STARD9: variants seen among roughly 807,000 people sequenced by gnomAD.
STARD9 encodes the protein StAR related lipid transfer domain containing 9.
Under a neutral mutation model 399.8 loss-of-function variants are expected in STARD9, and 346 were observed. The observed-to-expected ratio is 0.87, with a 90% CI of 0.79 to 0.95. STARD9 has a LOEUF of 0.95. Among genes scored for constraint, STARD9 ranks in the 40% least tolerant of loss-of-function variants. STARD9 has a pLI of 0.00. For missense variants in STARD9, 5,832 were observed against 5,667.5 expected (o/e 1.03, Z -0.93); for synonymous variants, 2,203 against 2,143.5 (o/e 1.03, Z -0.77).
Position 42,690,694 on chromosome 15 carries a change from G to A in STARD9, c.9116G>A (p.Ser3039Asn), listed in dbSNP as rs1480500358. ...DVNREFRLTESSTCEPSTVAA... is the reference protein window; with the variant it reads ...DVNREFRLTENSTCEPSTVAA... Reference sequence around the variant, plus strand: ...AACAGGGAATTTAGGCTAACAGAGAGCAGCACTTGTGAGCCTTCTACTGTG... The same window carrying A: ...AACAGGGAATTTAGGCTAACAGAGAACAGCACTTGTGAGCCTTCTACTGTG... Residue 3039 changes from serine (S) to asparagine (N), a missense_variant, in exon 23 of 33, where the codon AGC becomes AAC. Coordinates refer to ENST00000290607, the MANE Select transcript of STARD9 (RefSeq NM_020759.3). The A allele has an allele frequency of 3.3e-6, 5 of 1,537,140 alleles. No homozygotes were observed. In the Admixed American group the frequency reaches 7.8e-5, roughly 24 times the overall value.
At chr15:42,664,789 A>AACACACACACACACACACACACAC (rs55773330) in intron 13 of STARD9, among the ~76,000 whole-genome samples, 59 of 144,724 alleles carry the variant, frequency 4.1e-4, no homozygotes, top group African/African-American at 1.1e-3. Flanking sequence ...TTTATCCTTT[A>AACACACACACACACACACACACAC]ACACACACAC....
intron 7 of STARD9, among the ~76,000 whole-genome samples, chr15:42,644,980 A>C (rs2059619557): frequency 1.3e-5 from 2 of 152,152 alleles, no homozygotes; most frequent in African/African-American, 4.8e-5. Flanking sequence ...GATTGTGGCA[A>C]TTCAGTCACA....
At chr15:42,586,415 A>G (rs2058278516) in intron 3 of STARD9, among the ~76,000 whole-genome samples, 1 of 152,278 alleles carries the variant, frequency 6.6e-6, no homozygotes, top group African/African-American at 2.4e-5. Flanking sequence ...GCTCTCGGTC[A>G]AGTTTCCAAG....
rs575773253 is a variant in STARD9 at position 42,687,436 on chromosome 15, A to G, written c.5858A>G (p.Asp1953Gly). Residue 1953 changes from aspartate (D) to glycine (G), a missense_variant, in exon 23 of 33, where the codon GAT (aspartate) becomes GGT (glycine). Transcript: ENST00000290607. ...SAVSLKSRSV[D>G]RRVSSPVMVA... Reference sequence around the variant, plus strand: ...GTTTCTTTGAAATCCAGATCAGTAGATCGTAGAGTAAGCAGCCCAGTGATG... The same window carrying G: ...GTTTCTTTGAAATCCAGATCAGTAGGTCGTAGAGTAAGCAGCCCAGTGATG... 1.3e-6 allele frequency: 2 copies of G among 1,537,156 alleles called. No individual in the cohort carries two copies. The highest frequency in any genetic ancestry group is 2.4e-5 in the East Asian group (1 of 40,916).
chr15:42,669,262 C>T lies in STARD9; in HGVS notation c.1422C>T (p.Ile474=), dbSNP rs759706411. The change falls in exon 16 of 33, where the codon ATC becomes ATT. Residue 474 remains isoleucine, a synonymous_variant. Coordinates refer to ENST00000290607, the MANE Select transcript of STARD9 (RefSeq NM_020759.3). ...ACAGGAGGAGGGCTGGGGTGGTCATCGACTCCAGCCTGCCACACTTGATGG... is the reference window on the plus strand; with the variant it reads ...ACAGGAGGAGGGCTGGGGTGGTCATTGACTCCAGCCTGCCACACTTGATGG... ...DINRRRAGVV[I]DSSLPHLMAL... is the part of the protein sequence containing the mutation. The T allele has an allele frequency of 7.4e-5, 114 of 1,537,028 alleles. 1 individual carries two copies. In the East Asian group the frequency reaches 8.8e-4, roughly 12 times the overall value.
chr15:42,667,944 T>G (rs1465757572), intron 15 of STARD9, among the ~76,000 whole-genome samples: 1 of 152,248 alleles, frequency 6.6e-6, no homozygotes, highest in East Asian at 1.9e-4. Flanking sequence ...AAATTCCTCC[T>G]TCAGTCATGT....
chr15:42,640,638 AG>A, intron 7 of STARD9, among the ~76,000 whole-genome samples: 1 of 152,086 alleles, frequency 6.6e-6, no homozygotes, highest in East Asian at 1.9e-4. Flanking sequence ...TGGCCAACAT[AG>A]TGAAACCCTG....
rs1444421288 is a variant in STARD9 at position 42,720,266 on chromosome 15, T to G, written c.*692T>G. The G allele has an allele frequency of 6.6e-6, 1 of 152,266 alleles. No homozygotes were observed. The highest frequency in any genetic ancestry group is 1.5e-5 in the Non-Finnish European group (1 of 68,060). 9.4% of individuals were successfully genotyped at this position (152,266 alleles called of 1,614,324 possible). A position where few individuals can be genotyped will look rare whatever the true frequency, so the allele number is the denominator to read the frequency against. On this transcript the variant is annotated 3_prime_UTR_variant, in exon 33 of 33. Coordinates refer to ENST00000290607, the MANE Select transcript of STARD9 (RefSeq NM_020759.3). ...ATGGAGCTGTCACTCTAGAGCTCGG[T>G]CAGATGGAAGACACTATAGAACCAG...
At position 42,718,163 on chromosome 15, in the gene STARD9, C is replaced by T. The variant is rs1303192342; in HGVS notation, c.13746C>T (p.Thr4582=). The T allele has an allele frequency of 6.5e-7, 1 of 1,536,742 alleles. No individual in the cohort carries two copies. Among genetic ancestry groups the T allele is most frequent in the Non-Finnish European group, 8.7e-7 (1 of 1,146,868 alleles). Reference sequence around the variant, plus strand: ...CAGCAAGGCTGCATCAGCGAGTGACCAACAGCATCAGCCTGGGTGAGCCCA... The same window carrying T: ...CAGCAAGGCTGCATCAGCGAGTGACTAACAGCATCAGCCTGGGTGAGCCCA... ...IQTARLHQRV[T]NSISLVYLVC... The change falls in exon 30 of 33, where the codon ACC becomes ACT. Residue 4582 remains threonine, a synonymous_variant. Transcript: ENST00000290607.
At chr15:42,623,343 T>C (rs2059129827) in intron 3 of STARD9, among the ~76,000 whole-genome samples, 1 of 152,194 alleles carries the variant, frequency 6.6e-6, no homozygotes, top group African/African-American at 2.4e-5. Context: ...TCTCCAAATA[T>C]AATATTTATG....
chr15:42,716,462 C>G (rs925118497), intron 26 of STARD9, among the ~76,000 whole-genome samples: 3 of 152,178 alleles, frequency 2.0e-5, no homozygotes, highest in Admixed American at 2.0e-4. Context: ...TAAGCAGCCT[C>G]TGCCTGTGGC....
intron 1 of STARD9, among the ~76,000 whole-genome samples, chr15:42,577,020 A>G (rs1329951819): frequency 2.6e-5 from 4 of 152,152 alleles, no homozygotes; most frequent in African/African-American, 9.7e-5. Context: ...ATAAGTGCAG[A>G]TGCTATGCTG....
intron 7 of STARD9, among the ~76,000 whole-genome samples, chr15:42,646,509 C>A (rs1201620786): frequency 3.9e-5 from 6 of 152,216 alleles, no homozygotes; most frequent in African/African-American, 1.4e-4. Flanking sequence ...CCACCCTCTG[C>A]CAGCTCCAAC....
At chr15:42,695,493 C>T (rs746354817) in intron 25 of STARD9, among the ~76,000 whole-genome samples, 170 bp downstream of exon 25, 1 of 152,228 alleles carries the variant, frequency 6.6e-6, no homozygotes, top group Non-Finnish European at 1.5e-5. Context: ...ATCATCACAC[C>T]AGCTCCTTTC....
At chr15:42,608,599 C>T (rs2058784615) in intron 3 of STARD9, among the ~76,000 whole-genome samples, 1 of 152,220 alleles carries the variant, frequency 6.6e-6, no homozygotes, top group African/African-American at 2.4e-5. Flanking sequence ...AAAACTCCAT[C>T]CTCCAGGCTT....
intron 2 of STARD9, among the ~76,000 whole-genome samples, chr15:42,583,946 A>G (rs1011238220): frequency 2.6e-5 from 4 of 152,044 alleles, no homozygotes; most frequent in African/African-American, 7.3e-5. Context: ...TCTTTCACAG[A>G]TCTTACTGAA....
At chr15:42,698,292 A>G (rs1256999832) in intron 26 of STARD9, among the ~76,000 whole-genome samples, 1 of 152,184 alleles carries the variant, frequency 6.6e-6, no homozygotes, top group African/African-American at 2.4e-5. Context: ...ATATACATTT[A>G]AATTTTTGAT....
chr15:42,682,987 A>G (rs1409454389), intron 22 of STARD9, among the ~76,000 whole-genome samples: 2 of 152,162 alleles, frequency 1.3e-5, no homozygotes, highest in African/African-American at 2.4e-5. Context: ...TGCCACATCA[A>G]GTGAGCTTTC....
At chr15:42,645,161 C>T (rs975756621) in intron 7 of STARD9, among the ~76,000 whole-genome samples, 22 of 152,188 alleles carry the variant, frequency 1.4e-4, no homozygotes, top group African/African-American at 5.3e-4. Flanking sequence ...CATGAATGTC[C>T]TTAATGCCAT....
Sources: allele counts gnomAD v4.1 joint callset (sites outside exome capture counted in the v4.1 genomes callset), GRCh38; gene constraint gnomAD v4.1.1; transcripts MANE v1.5; gene names NCBI Gene and HGNC (gene_info 2026-07-23, HGNC 2026-07-21).